Variants in SNX8 observed in about 807,000 individuals in gnomAD.
SNX8 encodes sorting nexin 8, also known as sorting nexin-8.
A neutral mutation model predicts 51.6 loss-of-function variants in SNX8; 25 were observed. The observed-to-expected ratio is 0.48, with a 90% CI of 0.35 to 0.68. The LOEUF (loss-of-function observed/expected upper bound fraction) is 0.68. Among genes scored for constraint, SNX8 ranks in the 30% least tolerant of loss-of-function variants. The probability of loss-of-function intolerance (pLI) is 0.00; values close to 1 mark genes in which losing one functional copy is unlikely to be tolerated. For synonymous variants in SNX8, 324 were observed against 277.0 expected (o/e 1.17, Z -1.68); for missense variants, 695 against 624.0 (o/e 1.11, Z -1.21).
chr7:2,292,900 G>A (rs553022065), intron 1 of SNX8, among the ~76,000 whole-genome samples: 41 of 152,162 alleles, frequency 2.7e-4, no homozygotes, highest in Non-Finnish European at 4.9e-4. Flanking sequence ...GCTCATGCTT[G>A]TAGTCCCAGC....
rs565511646 is a variant in SNX8 at position 2,267,046 on chromosome 7, G to A, written c.621+2513C>T. Among the ~76,000 whole-genome samples, 20 of 152,344 alleles carry A rather than the reference G, an allele frequency of 1.3e-4. No individual in the cohort carries two copies. The East Asian group carries it at 2.9e-3, about 22-fold the overall frequency. ...GAGGGCCTGAGGGCAGAGCTCAGCC[G>A]CAACCCGGCCCTGCTGCTTAGAGGC... On this transcript the variant is annotated intron_variant, in intron 5 of 10. Coordinates refer to ENST00000222990, the MANE Select transcript of SNX8 (RefSeq NM_013321.4).
chr7:2,281,564 T>C (rs570258728), intron 1 of SNX8, among the ~76,000 whole-genome samples: 7 of 152,184 alleles, frequency 4.6e-5, no homozygotes, highest in East Asian at 3.9e-4. Context: ...CTAATGGAAC[T>C]TCAATACTCT....
intron 1 of SNX8, among the ~76,000 whole-genome samples, chr7:2,347,125 G>C (rs1779046232): frequency 6.6e-6 from 1 of 151,952 alleles, no homozygotes; most frequent in Admixed American, 6.6e-5. Flanking sequence ...AGAAGTTCAA[G>C]ACCAGCTGGG....
intron 1 of SNX8, among the ~76,000 whole-genome samples, chr7:2,328,205 C>A (rs1245158036): frequency 6.6e-6 from 1 of 152,140 alleles, no homozygotes; most frequent in Non-Finnish European, 1.5e-5. Context: ...GCACGTGTCA[C>A]CACGCCTGGC....
chr7:2,288,524 G>A (rs1796083864), intron 1 of SNX8: 3 of 166,454 alleles, frequency 1.8e-5, no homozygotes, highest in African/African-American at 7.2e-5. Context: ...CCTACTCAAA[G>A]TGAGTGCTTT....
At chr7:2,286,965 T>G (rs1485064122) in intron 1 of SNX8, among the ~76,000 whole-genome samples, 1 of 148,196 alleles carries the variant, frequency 6.7e-6, no homozygotes, top group East Asian at 2.1e-4. Flanking sequence ...ATGGTGAAAC[T>G]CCATCTCTAC....
intron 1 of SNX8, among the ~76,000 whole-genome samples, chr7:2,282,605 C>T (rs1193928072): frequency 2.6e-5 from 4 of 152,246 alleles, no homozygotes; most frequent in Non-Finnish European, 4.4e-5. Flanking sequence ...ACAGTAACAA[C>T]ACAGAGCAGG....
At chr7:2,272,209 G>A (rs1795665472) in intron 3 of SNX8, among the ~76,000 whole-genome samples, 1 of 152,158 alleles carries the variant, frequency 6.6e-6, no homozygotes, top group African/African-American at 2.4e-5. Flanking sequence ...AGCTGCCAAG[G>A]AAAACCACAG....
intron 7 of SNX8, among the ~76,000 whole-genome samples, chr7:2,259,368 G>A (rs1397284684): frequency 6.6e-6 from 1 of 152,220 alleles, no homozygotes; most frequent in African/African-American, 2.4e-5. Context: ...GAGCACCTCG[G>A]GGAGACCAAG....
At chr7:2,336,122 C>T (rs1376999415) in intron 1 of SNX8, among the ~76,000 whole-genome samples, 1 of 145,024 alleles carries the variant, frequency 6.9e-6, no homozygotes, top group Non-Finnish European at 1.5e-5. Context: ...AAAAAAAGGG[C>T]TGGGCACGGT....
rs372647922 is a variant in SNX8 at position 2,257,416 on chromosome 7, C to T, written c.1083G>A (p.Ala361=). 2.7e-5 allele frequency: 44 copies of T among 1,610,508 alleles called. No homozygotes were observed. The East Asian group carries it at 4.9e-4, about 18-fold the overall frequency. The change falls in exon 9 of 11, where the codon GCG becomes GCA. Residue 361 remains alanine, a synonymous_variant. Transcript: ENST00000222990. ...LMKRQMMSAT[A]QNREPESVEQ... ...CCACGGACTCCGGCTCGCGGTTCTG[C>T]GCGGTGGCGCTCATCATCTGCCTCT... is the stretch of plus-strand genomic sequence containing the variant.
At chr7:2,320,094 G>A (rs764568841) in intron 1 of SNX8, among the ~76,000 whole-genome samples, 1 of 152,150 alleles carries the variant, frequency 6.6e-6, no homozygotes. Flanking sequence ...CATGGCTCAC[G>A]CCTGTAATCC....
chr7:2,324,857 G>A (rs1411488205), intron 1 of SNX8, among the ~76,000 whole-genome samples: 1 of 152,140 alleles, frequency 6.6e-6, no homozygotes, highest in Admixed American at 6.6e-5. Context: ...CCAGGCCGGA[G>A]TGCAGTGGTA....
chr7:2,267,689 T>C (rs959470871), intron 5 of SNX8, among the ~76,000 whole-genome samples: 33 of 149,372 alleles, frequency 2.2e-4, no homozygotes, highest in African/African-American at 7.1e-4. Flanking sequence ...CCGCCTGCCT[T>C]GGCCTCCCAA....
intron 1 of SNX8, among the ~76,000 whole-genome samples, chr7:2,301,724 T>C (rs1796397225): frequency 1.3e-5 from 2 of 152,126 alleles, no homozygotes; most frequent in South Asian, 4.1e-4. Flanking sequence ...GCGTGTCTTA[T>C]GGGAAGGTGA....
intron 1 of SNX8, among the ~76,000 whole-genome samples, chr7:2,321,895 C>T (rs59702609): frequency 0.31 from 46,342 of 151,280 alleles, 7,390 homozygotes; most frequent in Middle Eastern, 0.46. Flanking sequence ...AGCTAATTTT[C>T]GTATTTTTAG....
intron 9 of SNX8, 90 bp from the exon 10 acceptor site, chr7:2,257,113 C>A (rs1212626264): frequency 2.1e-6 from 3 of 1,416,800 alleles, no homozygotes; most frequent in African/African-American, 1.4e-5. Flanking sequence ...TGAGCCAGGG[C>A]GGCCCCTTCT....
chr7:2,269,523 T>TAAAAAAAAAAAAAAAAAATA, intron 5 of SNX8, 36 bp downstream of exon 5: 1 of 893,732 alleles, frequency 1.1e-6, no homozygotes, highest in South Asian at 2.1e-5. Flanking sequence ...AAAAATAAAT[T>TAAAAAAAAAAAAAAAAAATA]AAAAAAAAAA....
chr7:2,319,882 A>G (rs571891497), intron 1 of SNX8, among the ~76,000 whole-genome samples: 1 of 151,888 alleles, frequency 6.6e-6, no homozygotes, highest in Non-Finnish European at 1.5e-5. Context: ...CAGGAGGCTG[A>G]GGCAAGAGAA....
Sources: allele counts gnomAD v4.1 joint callset (sites outside exome capture counted in the v4.1 genomes callset), GRCh38; gene constraint gnomAD v4.1.1; transcripts MANE v1.5; gene names NCBI Gene and HGNC (gene_info 2026-07-23, HGNC 2026-07-21).